Variants in PRH1 observed in about 807,000 individuals in gnomAD.
PRH1 encodes the protein salivary acidic proline-rich phosphoprotein 1/2.
Under a neutral mutation model 7.9 loss-of-function variants are expected in PRH1, and 7 were observed. The ratio of observed to expected loss-of-function variants is 0.89; its 90% confidence interval spans 0.50 to 1.67. PRH1 has a LOEUF of 1.67. PRH1 is among the 40% of genes most tolerant of loss of function. The probability of loss-of-function intolerance (pLI) is 0.00; values close to 1 mark genes in which losing one functional copy is unlikely to be tolerated. For synonymous variants in PRH1, 45 were observed against 80.8 expected (o/e 0.56, Z 2.38); for missense variants, 109 against 223.6 (o/e 0.49, Z 3.27).
intron 1 of PRH1, among the ~76,000 whole-genome samples, chr12:11,109,091 A>C (rs919328052): frequency 2.6e-5 from 4 of 152,174 alleles, no homozygotes; most frequent in Non-Finnish European, 5.9e-5. Context: ...AGCTCTGCAC[A>C]ACCACTGTAG....
intron 1 of PRH1, among the ~76,000 whole-genome samples, chr12:11,042,812 G>A (rs748622873): frequency 6.6e-6 from 1 of 151,730 alleles, no homozygotes; most frequent in East Asian, 1.9e-4. Flanking sequence ...TGTATTTTTA[G>A]TAGAGACGGG....
At chr12:11,139,278 T>G (rs1162529119) in intron 1 of PRH1, among the ~76,000 whole-genome samples, 1 of 152,130 alleles carries the variant, frequency 6.6e-6, no homozygotes, top group Non-Finnish European at 1.5e-5. Flanking sequence ...AACATTAACA[T>G]TGATGTTACC....
At chr12:10,959,345 C>CT (rs71051549) in intron 2 of PRH1, among the ~76,000 whole-genome samples, 2 of 390 alleles carry the variant, frequency 5.1e-3, no homozygotes, top group Non-Finnish European at 8.5e-3. Flanking sequence ...AGAAAGGATT[C>CT]GGAGACCAGC....
At chr12:11,034,816 G>A (rs1374836388) in intron 1 of PRH1, 1 of 152,596 alleles carries the variant, frequency 6.6e-6, no homozygotes, top group Non-Finnish European at 1.5e-5. Flanking sequence ...GAGCCCAGGA[G>A]TTCCAGACTG....
intron 1 of PRH1, chr12:11,134,005 T>G: frequency 6.2e-7 from 1 of 1,614,092 alleles, no homozygotes; most frequent in Non-Finnish European, 8.5e-7. Context: ...CAGTAATTCT[T>G]ACTTCTACAC....
At chr12:10,994,328 G>A (rs553518601) in intron 1 of PRH1, among the ~76,000 whole-genome samples, 46 of 152,336 alleles carry the variant, frequency 3.0e-4, no homozygotes, top group African/African-American at 1.1e-3. Flanking sequence ...ACCCTGGCCA[G>A]TGGGAAATAG....
At chr12:10,884,294 G>A, upstream of PRH1, 1 of 1,597,712 alleles carries the variant, frequency 6.3e-7, no homozygotes. Flanking sequence ...AGACAAGCAG[G>A]ACAATGGTGC....
chr12:10,888,409 T>G (rs949092547), upstream of PRH1, among the ~76,000 whole-genome samples: 3 of 152,116 alleles, frequency 2.0e-5, no homozygotes, highest in Non-Finnish European at 4.4e-5. Context: ...TCAGTGAGAG[T>G]TGGAGAGACT....
chr12:11,015,396 T>C (rs1941244907), intron 1 of PRH1, among the ~76,000 whole-genome samples: 1 of 151,720 alleles, frequency 6.6e-6, no homozygotes, highest in African/African-American at 2.4e-5. Context: ...CTTTCTTTCC[T>C]GCTCTAAATC....
intron 1 of PRH1, among the ~76,000 whole-genome samples, chr12:11,025,705 G>A (rs1302574058): frequency 6.6e-6 from 1 of 152,284 alleles, no homozygotes; most frequent in South Asian, 2.1e-4. Context: ...TTACCCTCTA[G>A]CTCTGTGTAT....
intron 1 of PRH1, among the ~76,000 whole-genome samples, chr12:11,037,968 G>C (rs1942512494): frequency 6.6e-6 from 1 of 152,234 alleles, no homozygotes; most frequent in South Asian, 2.1e-4. Flanking sequence ...CTTGAGCCCA[G>C]GTGGCGGAGG....
At chr12:10,931,223 GA>G in intron 2 of PRH1, 1 of 1,489,212 alleles carries the variant, frequency 6.7e-7, no homozygotes, top group Admixed American at 2.4e-5. Context: ...AATATTCTGG[GA>G]TAAGGTAGCA....
intron 1 of PRH1, among the ~76,000 whole-genome samples, chr12:11,018,354 AGTTG>A (rs753007796): frequency 3.9e-4 from 59 of 152,234 alleles, no homozygotes; most frequent in Non-Finnish European, 6.9e-4. Flanking sequence ...AACCAGCCAC[AGTTG>A]GAGGGCATGA....
At chr12:11,155,748 C>A (rs920782643) in intron 1 of PRH1, among the ~76,000 whole-genome samples, 3 of 151,764 alleles carry the variant, frequency 2.0e-5, no homozygotes, top group African/African-American at 7.3e-5. Context: ...TTAATCCTTC[C>A]TTAATTTATA....
chr12:11,079,407 T>C lies in PRH1; in HGVS notation n.124-32219A>G, dbSNP rs1354797157. 1.8e-5 allele frequency among the ~76,000 whole-genome samples: 2 copies of C among 113,592 alleles called. 1 individual carries two copies. Among genetic ancestry groups the C allele is most frequent in the East Asian group, 4.2e-4 (2 of 4,710 alleles). 74.5% of individuals were successfully genotyped at this position (113,592 alleles called of 152,430 possible). On this transcript the variant is annotated intron_variant and non_coding_transcript_variant, in intron 1 of 4. Coordinates refer to the PRH1 transcript ENST00000541977. The stretch of plus-strand genomic sequence containing the variant: ...TAAGAAGAATGAGAAACTAATGGAG[T>C]CAGAATGCCACTGCCTTATCTACAC...
intron 1 of PRH1, among the ~76,000 whole-genome samples, chr12:11,067,687 C>T (rs1943885771): frequency 6.6e-6 from 1 of 152,138 alleles, no homozygotes; most frequent in Non-Finnish European, 1.5e-5. Context: ...CATGCCAAAA[C>T]CCTGTCTCTA....
At chr12:11,071,967 T>G (rs1458628586) in intron 1 of PRH1, among the ~76,000 whole-genome samples, 2 of 152,064 alleles carry the variant, frequency 1.3e-5, no homozygotes, top group Non-Finnish European at 2.9e-5. Context: ...TTCCCCAAGC[T>G]AGGTTTGAAA....
intron 1 of PRH1, among the ~76,000 whole-genome samples, chr12:11,016,008 C>T (rs1941277409): frequency 6.6e-6 from 1 of 152,180 alleles, no homozygotes; most frequent in Non-Finnish European, 1.5e-5. Context: ...CCAAAGCACA[C>T]CCACCAAGGA....
intron 1 of PRH1, among the ~76,000 whole-genome samples, chr12:11,073,994 C>G (rs1355719936): frequency 6.7e-6 from 1 of 149,266 alleles, no homozygotes; most frequent in African/African-American, 2.5e-5. Flanking sequence ...GCTTATAAAA[C>G]CAGCCACAGT....
Sources: allele counts gnomAD v4.1 joint callset (sites outside exome capture counted in the v4.1 genomes callset), GRCh38; gene constraint gnomAD v4.1.1; transcripts MANE v1.5; gene names NCBI Gene and HGNC (gene_info 2026-07-23, HGNC 2026-07-21).